BBS9: variants seen among roughly 807,000 people sequenced by gnomAD.
The protein encoded by BBS9 is protein PTHB1.
BBS9 carries 89 observed loss-of-function variants against 117.7 expected under a neutral mutation model. The observed-to-expected ratio is 0.76, with a 90% CI of 0.64 to 0.90. BBS9 has a LOEUF of 0.90. Ranked by LOEUF, BBS9 falls within the 40% of genes least tolerant of loss-of-function variation. The pLI is 0.00. For missense variants in BBS9, 982 were observed against 1,042.2 expected, an observed-to-expected ratio of 0.94 and a Z score of 0.80; for synonymous variants, 379 against 370.9, an observed-to-expected ratio of 1.02 and a Z score of -0.25.
chr7:33,338,393 A>G (rs917304961), intron 10 of BBS9, among the ~76,000 whole-genome samples: 1 of 152,158 alleles, frequency 6.6e-6, no homozygotes, highest in African/African-American at 2.4e-5. Flanking sequence ...CTTTATTATG[A>G]GAAGTTAAAA....
At chr7:33,491,132 G>A (rs1843838072) in intron 19 of BBS9, among the ~76,000 whole-genome samples, 2 of 152,190 alleles carry the variant, frequency 1.3e-5, no homozygotes, top group Admixed American at 1.3e-4. Context: ...CCCACAAGGG[G>A]TAGCCAGGGA....
At chr7:33,461,657 A>T (rs925465989) in intron 19 of BBS9, among the ~76,000 whole-genome samples, 6 of 151,996 alleles carry the variant, frequency 3.9e-5, no homozygotes, top group Admixed American at 2.0e-4. Context: ...ACTTCATGAA[A>T]ATGAAACAAA....
At chr7:33,409,456 A>G (rs900419556) in intron 19 of BBS9, among the ~76,000 whole-genome samples, 1 of 152,108 alleles carries the variant, frequency 6.6e-6, no homozygotes, top group Non-Finnish European at 1.5e-5. Flanking sequence ...TTAAAGATTG[A>G]TGGTTATAGG....
chr7:33,419,701 A>G (rs927955440), intron 19 of BBS9, among the ~76,000 whole-genome samples: 7 of 152,168 alleles, frequency 4.6e-5, no homozygotes, highest in Admixed American at 1.3e-4. Flanking sequence ...TCTTAAGAGC[A>G]TTTGGTGCTT....
chr7:33,388,162 AAC>A lies in BBS9; in HGVS notation c.2115+20_2115+21del, dbSNP rs747729508. On this transcript the variant is annotated intron_variant, in intron 19 of 22. Transcript: ENST00000242067. ...ACAAGCAGGTCAGTATAATATCAGT[AAC>A]AGTTTTCTATTACTGGCTATACTTT... 117 of 1,613,240 alleles carry A rather than the reference AAC, an allele frequency of 7.3e-5. No individual in the cohort carries two copies. Among genetic ancestry groups the A allele is most frequent in the Non-Finnish European group, 9.0e-5 (106 of 1,179,314 alleles).
rs5883400 is a variant in BBS9, at chr7:33,389,687, TAAA to T, written c.2115+1569_2115+1571del. 1.0e-3 allele frequency among the ~76,000 whole-genome samples: 93 copies of T among 91,958 alleles called. 2 individuals are homozygous for T. The South Asian group carries it at 0.029, about 29-fold the overall frequency. 60.3% of individuals were successfully genotyped at this position (91,958 alleles called of 152,430 possible). On this transcript the variant is annotated intron_variant, in intron 19 of 22. Transcript: ENST00000242067. The stretch of plus-strand genomic sequence containing the variant: ...CTGGGTGACAGAGCAAGACTCCATC[TAAA>T]AAAAAAAAAAAAAAAAAAAAAAAAA...
At chr7:33,157,292 T>C (rs2128118663) in intron 4 of BBS9, among the ~76,000 whole-genome samples, 2 of 152,290 alleles carry the variant, frequency 1.3e-5, no homozygotes, top group Admixed American at 1.3e-4. Flanking sequence ...TAGGTGACAA[T>C]TTGTTTATGG....
At chr7:33,608,471 A>G (rs1250596122), downstream of BBS9, among the ~76,000 whole-genome samples, 2 of 152,128 alleles carry the variant, frequency 1.3e-5, no homozygotes, top group Non-Finnish European at 2.9e-5. Flanking sequence ...TGCTGTCTAC[A>G]GTGGCTGAAC....
chr7:33,306,325 G>A (rs1266148443), intron 9 of BBS9, among the ~76,000 whole-genome samples: 1 of 151,880 alleles, frequency 6.6e-6, no homozygotes, highest in East Asian at 1.9e-4. Flanking sequence ...TAGATGTTAA[G>A]TCACAAATCT....
intron 12 of BBS9, chr7:33,346,453 A>G (rs1817614050): frequency 5.1e-6 from 1 of 194,640 alleles, no homozygotes; most frequent in African/African-American, 2.4e-5. Flanking sequence ...CCTAAGGGTT[A>G]TATTTCATAA....
At chr7:33,538,447 TGA>T (rs1380879158) in intron 21 of BBS9, among the ~76,000 whole-genome samples, 1 of 152,158 alleles carries the variant, frequency 6.6e-6, no homozygotes, top group Non-Finnish European at 1.5e-5. Context: ...TCTAGCCTTT[TGA>T]GAGAGGGATT....
intron 20 of BBS9, 74 bp from the exon 21 acceptor site, chr7:33,533,880 C>G: frequency 2.0e-6 from 3 of 1,474,020 alleles, no homozygotes; most frequent in Non-Finnish European, 2.8e-6. Context: ...ACTCAATAAT[C>G]TGTATAATAC....
chr7:33,406,428 A>T (rs949991150), intron 19 of BBS9, among the ~76,000 whole-genome samples: 2 of 151,760 alleles, frequency 1.3e-5, no homozygotes, highest in African/African-American at 4.8e-5. Context: ...CATTTAGTCC[A>T]TTTACATTTA....
At chr7:33,398,767 C>G (rs1209522155) in intron 19 of BBS9, among the ~76,000 whole-genome samples, 1 of 152,188 alleles carries the variant, frequency 6.6e-6, no homozygotes, top group African/African-American at 2.4e-5. Context: ...GAGACAGAGT[C>G]TCGCCCCATC....
chr7:33,150,452 T>C (rs1793127396), intron 2 of BBS9, among the ~76,000 whole-genome samples: 1 of 152,164 alleles, frequency 6.6e-6, no homozygotes, highest in Non-Finnish European at 1.5e-5. Context: ...CTAGAGATGA[T>C]AACTTGATTA....
chr7:33,566,732 G>T, intron 21 of BBS9, among the ~76,000 whole-genome samples: 1 of 149,846 alleles, frequency 6.7e-6, no homozygotes, highest in African/African-American at 2.4e-5. Context: ...TTTGCCAAAA[G>T]TTATAAAACA....
At chr7:33,578,814 G>T (rs1585337924) in intron 21 of BBS9, among the ~76,000 whole-genome samples, 1 of 152,172 alleles carries the variant, frequency 6.6e-6, no homozygotes, top group Non-Finnish European at 1.5e-5. Flanking sequence ...CATATTTCCT[G>T]TATCTCTAGG....
intron 21 of BBS9, among the ~76,000 whole-genome samples, chr7:33,548,815 T>C (rs969890905): frequency 8.7e-4 from 131 of 150,216 alleles, no homozygotes; most frequent in African/African-American, 3.1e-3. Flanking sequence ...TGCTCATGGG[T>C]AGGAAGAATC....
At chr7:33,581,295 G>A (rs970790956) in intron 21 of BBS9, among the ~76,000 whole-genome samples, 8 of 152,060 alleles carry the variant, frequency 5.3e-5, no homozygotes, top group East Asian at 1.9e-4. Flanking sequence ...TCTCACTGGC[G>A]AAATGGAAGG....
Sources: allele counts gnomAD v4.1 joint callset (sites outside exome capture counted in the v4.1 genomes callset), GRCh38; gene constraint gnomAD v4.1.1; transcripts MANE v1.5; gene names NCBI Gene and HGNC (gene_info 2026-07-23, HGNC 2026-07-21).